DPP10: variants seen among roughly 807,000 people sequenced by gnomAD.
DPP10 encodes inactive dipeptidyl peptidase 10.
Under a neutral mutation model 120.9 loss-of-function variants are expected in DPP10, and 33 were observed. The ratio of observed to expected loss-of-function variants is 0.27; its 90% confidence interval spans 0.21 to 0.37. DPP10 has a LOEUF of 0.37. Among genes scored for constraint, DPP10 ranks in the 10% least tolerant of loss-of-function variants. The pLI is 1.00. For missense variants in DPP10, 816 were observed against 942.8 expected (o/e 0.87, Z 1.76); for synonymous variants, 337 against 326.1 (o/e 1.03, Z -0.36).
At chr2:115,789,243 A>AATAATAGCAAGT (rs1187040907) in intron 17 of DPP10, among the ~76,000 whole-genome samples, 2 of 152,242 alleles carry the variant, frequency 1.3e-5, no homozygotes, top group African/African-American at 4.8e-5. Flanking sequence ...ACCTTAACTA[A>AATAATAGCAAGT]ATAATAGCAA....
intron 1 of DPP10, among the ~76,000 whole-genome samples, chr2:114,458,087 G>T (rs1161311642): frequency 6.6e-6 from 1 of 152,058 alleles, no homozygotes; most frequent in African/African-American, 2.4e-5. Flanking sequence ...GACTCAAAAA[G>T]ACCATTTCAT....
chr2:115,267,091 G>T (rs750647865), intron 1 of DPP10, among the ~76,000 whole-genome samples: 1 of 152,134 alleles, frequency 6.6e-6, no homozygotes, highest in Non-Finnish European at 1.5e-5. Flanking sequence ...ATACAGCTTT[G>T]CTCTAGAGTC....
chr2:114,770,280 C>T (rs1381263098), intron 1 of DPP10, among the ~76,000 whole-genome samples: 1 of 152,074 alleles, frequency 6.6e-6, no homozygotes, highest in Non-Finnish European at 1.5e-5. Flanking sequence ...CCTCATACCT[C>T]TAGAAGGCTC....
At chr2:115,486,160 A>G (rs2075764428) in intron 3 of DPP10, among the ~76,000 whole-genome samples, 1 of 152,110 alleles carries the variant, frequency 6.6e-6, no homozygotes, top group Admixed American at 6.6e-5. Context: ...TCTTTGACCC[A>G]TATGTCTTTT....
intron 1 of DPP10, among the ~76,000 whole-genome samples, chr2:114,788,757 A>G (rs1200017176): frequency 6.6e-6 from 1 of 152,166 alleles, no homozygotes; most frequent in Non-Finnish European, 1.5e-5. Context: ...GTAGAGAAAA[A>G]AAGTTTACTT....
chr2:115,051,879 C>A (rs2105347263), intron 1 of DPP10, among the ~76,000 whole-genome samples: 1 of 152,102 alleles, frequency 6.6e-6, no homozygotes, highest in South Asian at 2.1e-4. Flanking sequence ...AGATGTTAGC[C>A]TGATTTAACC....
At chr2:115,537,649 A>G (rs945681419) in intron 5 of DPP10, among the ~76,000 whole-genome samples, 1 of 148,832 alleles carries the variant, frequency 6.7e-6, no homozygotes, top group African/African-American at 2.5e-5. Flanking sequence ...GGAAAATACT[A>G]TGATACTAAG....
chr2:114,990,703 C>A (rs1234524312), intron 1 of DPP10, among the ~76,000 whole-genome samples: 1 of 152,158 alleles, frequency 6.6e-6, no homozygotes, highest in Non-Finnish European at 1.5e-5. Flanking sequence ...AGCTTTCTAT[C>A]GTGGTGTCTT....
chr2:115,803,260 C>CT (rs1159601745), intron 19 of DPP10, among the ~76,000 whole-genome samples: 1 of 152,008 alleles, frequency 6.6e-6, no homozygotes, highest in African/African-American at 2.4e-5. Context: ...CAACCCCTGT[C>CT]TTTTTTTGTT....
At chr2:115,030,516 C>T (rs1559013482) in intron 1 of DPP10, among the ~76,000 whole-genome samples, 2 of 152,052 alleles carry the variant, frequency 1.3e-5, no homozygotes, top group South Asian at 4.1e-4. Flanking sequence ...GGTATGTGTA[C>T]AGAATGTGTA....
At position 115,469,826 on chromosome 2, in the gene DPP10, A is replaced by G. The variant is rs184206190; in HGVS notation, c.272-29684A>G. 4.4e-3 allele frequency among the ~76,000 whole-genome samples: 594 copies of G among 134,812 alleles called. 2 individuals are homozygous for G. The highest frequency in any genetic ancestry group is 0.015 in the African/African-American group (549 of 37,848). The allele number at this position is 134,812 out of a possible 152,430, so 88.4% of individuals were successfully genotyped here. A position where few individuals can be genotyped will look rare whatever the true frequency, so the allele number is the denominator to read the frequency against. On this transcript the variant is annotated intron_variant, in intron 3 of 25. Coordinates refer to ENST00000410059, the MANE Select transcript of DPP10 (RefSeq NM_020868.6). ...GGAAGGAGAATCACTTGAATCCGGG[A>G]GGTGGAGGTTGCAGTGAGCTGAGAT...
chr2:115,131,869 A>G, intron 1 of DPP10: 1 of 151,738 alleles, frequency 6.6e-6, no homozygotes, highest in Non-Finnish European at 1.5e-5. Flanking sequence ...TGGGCAGATC[A>G]CCTGAGGTCA....
At chr2:115,235,559 T>C (rs2057954697) in intron 1 of DPP10, among the ~76,000 whole-genome samples, 1 of 152,120 alleles carries the variant, frequency 6.6e-6, no homozygotes, top group South Asian at 2.1e-4. Context: ...GTTTGTTTTT[T>C]TGGTGGGGGT....
chr2:115,093,912 TA>T lies in DPP10; in HGVS notation c.61-215320del, dbSNP rs978637080. 4.0e-4 allele frequency among the ~76,000 whole-genome samples: 61 copies of T among 152,202 alleles called. 1 individual carries two copies. Among genetic ancestry groups the T allele is most frequent in the South Asian group, 8.3e-4 (4 of 4,832 alleles). Reference sequence around the variant, plus strand: ...CCCCCTCTTTTTAATTTTCTAACATTAAAAAAACTATTTTTTTGTGTCCATG... The same window carrying T: ...CCCCCTCTTTTTAATTTTCTAACATTAAAAAACTATTTTTTTGTGTCCATG... On this transcript the variant is annotated intron_variant, in intron 1 of 25. Transcript: ENST00000410059.
intron 3 of DPP10, among the ~76,000 whole-genome samples, chr2:115,415,841 T>TTTTATATATA (rs1553592806): frequency 6.7e-5 from 5 of 74,286 alleles, no homozygotes; most frequent in African/African-American, 1.0e-4. Flanking sequence ...TGATTTGCTT[T>TTTTATATATA]TATATATATA....
intron 1 of DPP10, among the ~76,000 whole-genome samples, chr2:114,799,767 A>G (rs561536311): frequency 1.5e-4 from 23 of 152,370 alleles, no homozygotes; most frequent in African/African-American, 5.5e-4. Flanking sequence ...ATACCTAAGA[A>G]GTAGCTTTAA....
At chr2:114,702,204 A>T (rs1223976277) in intron 1 of DPP10, among the ~76,000 whole-genome samples, 1 of 152,168 alleles carries the variant, frequency 6.6e-6, no homozygotes, top group Non-Finnish European at 1.5e-5. Context: ...CTTAGTAGGT[A>T]TTCAGTACAA....
At chr2:114,986,706 C>A (rs764012190) in intron 1 of DPP10, among the ~76,000 whole-genome samples, 7 of 152,154 alleles carry the variant, frequency 4.6e-5, no homozygotes, top group Non-Finnish European at 7.4e-5. Flanking sequence ...AGAATCCAAG[C>A]ATTTTGAGTA....
chr2:115,641,710 T>C (rs1471218213), intron 5 of DPP10, among the ~76,000 whole-genome samples: 3 of 152,208 alleles, frequency 2.0e-5, no homozygotes, highest in Non-Finnish European at 4.4e-5. Flanking sequence ...TGTCAGATAC[T>C]GGGTTCAATG....
Sources: gnomAD v4.1 joint callset for allele counts (sites outside exome capture counted in the v4.1 genomes callset) on GRCh38, gnomAD v4.1.1 for gene constraint, MANE v1.5 for transcripts, NCBI Gene and HGNC (gene_info 2026-07-23, HGNC 2026-07-21) for gene names.